The following MEIS2 variants were observed in gnomAD, a reference collection of about 807,000 sequenced individuals.
The protein encoded by MEIS2 is Meis homeobox 2, also known as homeobox protein Meis2.
A neutral mutation model predicts 58.6 loss-of-function variants in MEIS2; 9 were observed. That is an observed-to-expected ratio of 0.15 (90% CI 0.09 to 0.27). The LOEUF (loss-of-function observed/expected upper bound fraction) is 0.27. Among genes scored for constraint, MEIS2 ranks in the 10% least tolerant of loss-of-function variants. The pLI is 1.00. For missense variants in MEIS2, 427 were observed against 635.0 expected (o/e 0.67, Z 3.52); for synonymous variants, 221 against 228.4 (o/e 0.97, Z 0.29).
At position 36,987,307 on chromosome 15, in the gene MEIS2, C is replaced by T. The variant is rs541520383; in HGVS notation, c.901-36907G>A. Among the ~76,000 whole-genome samples the T allele has an allele frequency of 8.0e-5, 12 of 150,418 alleles. No homozygotes were observed. The East Asian group carries it at 1.4e-3, about 17-fold the overall frequency. On this transcript the variant is annotated intron_variant, in intron 8 of 11. Transcript: ENST00000561208. ...CCTGTAGTCGCAGCTACTTGGGAGG[C>T]TAAGGCAAGAGGATCATTTGAACCT...
At chr15:36,917,427 G>GA (rs145467008) in intron 9 of MEIS2, among the ~76,000 whole-genome samples, 5 of 151,828 alleles carry the variant, frequency 3.3e-5, no homozygotes, top group South Asian at 2.1e-4. Context: ...AGCTGGTGAG[G>GA]AAAAAAATAA....
chr15:37,076,544 CCT>C (rs1290075851), intron 7 of MEIS2, among the ~76,000 whole-genome samples: 1 of 152,036 alleles, frequency 6.6e-6, no homozygotes, highest in Non-Finnish European at 1.5e-5. Flanking sequence ...ACTTCCCCTC[CCT>C]GAGTCCTGTG....
chr15:36,929,312 A>G (rs143843574), intron 9 of MEIS2, among the ~76,000 whole-genome samples: 72 of 152,360 alleles, frequency 4.7e-4, no homozygotes, highest in African/African-American at 1.6e-3. Flanking sequence ...GCTCCCTTCC[A>G]AAGACCAATA....
chr15:36,950,311 T>G lies in MEIS2; in HGVS notation c.977+13A>C, dbSNP rs762699106. ...AGCCATGGGAGAAAGACATTGATTTTTGGGTCACTCACCAGTTGTTTACTT... is the reference window on the plus strand; with the variant it reads ...AGCCATGGGAGAAAGACATTGATTTGTGGGTCACTCACCAGTTGTTTACTT... On this transcript the variant is annotated intron_variant, in intron 9 of 11. Transcript: ENST00000561208. 6.2e-6 allele frequency: 10 copies of G among 1,602,816 alleles called. No individual in the cohort carries two copies. The highest frequency in any genetic ancestry group is 7.7e-6 in the Non-Finnish European group (9 of 1,171,814).
intron 9 of MEIS2, among the ~76,000 whole-genome samples, chr15:36,944,309 T>A (rs1419999896): frequency 6.6e-6 from 1 of 152,134 alleles, no homozygotes; most frequent in Non-Finnish European, 1.5e-5. Flanking sequence ...TCTTTTGGTT[T>A]TCTTCTCAGA....
At chr15:37,044,649 C>T (rs185437864) in intron 7 of MEIS2, among the ~76,000 whole-genome samples, 6 of 152,196 alleles carry the variant, frequency 3.9e-5, no homozygotes, top group African/African-American at 1.4e-4. Flanking sequence ...CCTATTGAAC[C>T]TTTAAAACTT....
chr15:37,081,701 C>T (rs1294539468), intron 7 of MEIS2, among the ~76,000 whole-genome samples: 3 of 151,928 alleles, frequency 2.0e-5, no homozygotes, highest in South Asian at 2.1e-4. Context: ...TTTCAAACTT[C>T]GATACAGTAA....
chr15:37,047,154 T>A (rs2062708843), intron 7 of MEIS2, among the ~76,000 whole-genome samples: 1 of 152,198 alleles, frequency 6.6e-6, no homozygotes, highest in Non-Finnish European at 1.5e-5. Flanking sequence ...ACTCTAATGA[T>A]TCATTTTTAG....
At chr15:37,086,854 C>T (rs1157013364) in intron 6 of MEIS2, among the ~76,000 whole-genome samples, 1 of 152,154 alleles carries the variant, frequency 6.6e-6, no homozygotes, top group Non-Finnish European at 1.5e-5. Context: ...AAAATTGTTC[C>T]TCCTTGGTCA....
chr15:36,965,324 A>G (rs1453790111), intron 8 of MEIS2, among the ~76,000 whole-genome samples: 1 of 152,232 alleles, frequency 6.6e-6, no homozygotes, highest in Non-Finnish European at 1.5e-5. Flanking sequence ...TACAGATAAA[A>G]TAATTATGTG....
intron 9 of MEIS2, among the ~76,000 whole-genome samples, chr15:36,912,511 C>T (rs974168666): frequency 1.3e-5 from 2 of 152,120 alleles, no homozygotes; most frequent in African/African-American, 4.8e-5. Flanking sequence ...ACAAACAAAG[C>T]AAACTGTACA....
chr15:37,004,522 G>T (rs1179199538), intron 8 of MEIS2, among the ~76,000 whole-genome samples: 1 of 152,190 alleles, frequency 6.6e-6, no homozygotes, highest in Non-Finnish European at 1.5e-5. Flanking sequence ...ACTGGAAATG[G>T]CCTCAATAGA....
At chr15:36,975,760 T>C (rs901846065) in intron 8 of MEIS2, among the ~76,000 whole-genome samples, 2 of 152,130 alleles carry the variant, frequency 1.3e-5, no homozygotes, top group Non-Finnish European at 2.9e-5. Context: ...AGAAAGCAAA[T>C]GTGTAGGCAG....
At chr15:36,962,185 T>C (rs188597458) in intron 8 of MEIS2, among the ~76,000 whole-genome samples, 208 of 152,360 alleles carry the variant, frequency 1.4e-3, no homozygotes, top group African/African-American at 4.9e-3. Flanking sequence ...CAAAACTCTC[T>C]AGCATTTCTG....
chr15:37,060,919 T>A (rs1301697727), intron 7 of MEIS2, among the ~76,000 whole-genome samples: 1 of 152,204 alleles, frequency 6.6e-6, no homozygotes, highest in Non-Finnish European at 1.5e-5. Flanking sequence ...GGTATGAATT[T>A]AATTATCATC....
At chr15:36,998,524 G>C (rs915869867) in intron 8 of MEIS2, among the ~76,000 whole-genome samples, 1 of 151,904 alleles carries the variant, frequency 6.6e-6, no homozygotes, top group Non-Finnish European at 1.5e-5. Context: ...CCTGGCTAAG[G>C]CTTTTCTTTT....
intron 9 of MEIS2, among the ~76,000 whole-genome samples, chr15:36,938,600 A>G (rs893405275): frequency 2.0e-5 from 3 of 152,212 alleles, no homozygotes; most frequent in African/African-American, 7.2e-5. Flanking sequence ...TAAGTCACCT[A>G]TCATCTACCA....
At chr15:37,055,892 T>C (rs562932103) in intron 7 of MEIS2, among the ~76,000 whole-genome samples, 1 of 152,238 alleles carries the variant, frequency 6.6e-6, no homozygotes, top group Non-Finnish European at 1.5e-5. Context: ...AGTGATTTGC[T>C]AGCCTTTCCA....
intron 7 of MEIS2, among the ~76,000 whole-genome samples, 180 bp downstream of exon 7, chr15:37,083,591 T>C (rs903139320): frequency 7.2e-5 from 11 of 152,218 alleles, no homozygotes; most frequent in African/African-American, 2.4e-4. Flanking sequence ...TCACTTTGAT[T>C]TCTTTTTTTA....
Sources: gnomAD v4.1 joint callset for allele counts (sites outside exome capture counted in the v4.1 genomes callset) on GRCh38, gnomAD v4.1.1 for gene constraint, MANE v1.5 for transcripts, NCBI Gene and HGNC (gene_info 2026-07-23, HGNC 2026-07-21) for gene names.